CBLN3: variants seen among roughly 807,000 people sequenced by gnomAD.
CBLN3 encodes cerebellin 3 precursor.
In CBLN3, 14 loss-of-function variants were observed where a neutral mutation model predicts 17.4. The ratio of observed to expected loss-of-function variants is 0.81; its 90% CI spans 0.53 to 1.26. CBLN3 has a LOEUF of 1.26. CBLN3 is among the 50% of genes most tolerant of loss of function. CBLN3 has a pLI of 0.00. For missense variants in CBLN3, 263 were observed against 268.5 expected (o/e 0.98, Z 0.14); for synonymous variants, 129 against 117.4 (o/e 1.10, Z -0.64).
rs1401158291 is a variant in CBLN3, at chr14:24,428,364, G to A, written c.342C>T (p.Gly114=). The change falls in exon 2 of 3, where the codon GGC becomes GGT. Residue 114 remains glycine (G), a synonymous_variant. Transcript: ENST00000267406. ...CACCCCGGACAGGGGCTACGAAGGA[G>A]CCAGAGGCCCGGTCAAAGCCACCGC... The part of the protein sequence containing the change: ...NEGGGFDRAS[G]SFVAPVRGVY... 13 of 1,613,806 alleles carry A rather than the reference G, an allele frequency of 8.1e-6. No homozygotes were observed. Among genetic ancestry groups the A allele is most frequent in the African/African-American group, 1.3e-5 (1 of 74,888 alleles).
chr14:24,428,248 C>A, intron 2 of CBLN3, 38 bp downstream of exon 2: 1 of 1,609,042 alleles, frequency 6.2e-7, no homozygotes, highest in Middle Eastern at 1.7e-4. Flanking sequence ...CCCTCCCCAC[C>A]CTCCTGAGCC....
At position 24,427,727 on chromosome 14, in the gene CBLN3, G is replaced by T; in HGVS notation, c.*62C>A. ...CTCTCCTGCCTCTGCTGTTTCTGGG[G>T]CAAGAGAGGGCAGAAGAAAGTTGTC... On this transcript the variant is annotated 3_prime_UTR_variant, in exon 3 of 3. Transcript: ENST00000267406. The surrounding 1 kb of genome is among the most constrained non-coding windows in gnomAD (Gnocchi z 4.4). The T allele has an allele frequency of 6.7e-7, 1 of 1,491,310 alleles. No individual in the cohort carries two copies. The highest frequency in any genetic ancestry group is 9.3e-7 in the Non-Finnish European group (1 of 1,072,630). 92.4% of individuals were successfully genotyped at this position (1,491,310 alleles called of 1,614,324 possible). A position where few individuals can be genotyped will look rare whatever the true frequency, so the allele number is the denominator to read the frequency against.
chr14:24,429,287 G>T lies in CBLN3; in HGVS notation c.-233C>A. 1 of 696,654 alleles carries T rather than the reference G, an allele frequency of 1.4e-6. No individual in the cohort carries two copies. The highest frequency in any genetic ancestry group is 2.6e-6 in the Non-Finnish European group (1 of 387,420). The allele number at this position is 696,654 out of a possible 1,614,324, so 43.2% of individuals were successfully genotyped here. A position where few individuals can be genotyped will look rare whatever the true frequency, so the allele number is the denominator to read the frequency against. On this transcript the variant is annotated 5_prime_UTR_variant, in exon 1 of 3. Transcript: ENST00000267406. ...ATGCAGTGACAGCAGTTGGGCTTTG[G>T]GAGAGAAAGGAGGGATGAAGCCGCC...
Position 24,427,925 on chromosome 14 carries a change from G to C in CBLN3, c.482C>G (p.Thr161Ser), listed in dbSNP as rs776665719. 3.3e-5 allele frequency: 54 copies of C among 1,613,822 alleles called. No individual in the cohort carries two copies. The highest frequency in any genetic ancestry group is 1.6e-4 in the Middle Eastern group (1 of 6,080). ...CACAGAGCTGGTGGCTGCCTCCCGG[G>C]TCACGTCAGGATCATTGGCAAAGGC... is the stretch of plus-strand genomic sequence containing the variant. ...ISAFANDPDVTREAATSSVLL... is the reference protein window; with the variant it reads ...ISAFANDPDVSREAATSSVLL... The change falls in exon 3 of 3, where the codon ACC becomes AGC. Residue 161 changes from threonine to serine, a missense_variant. Transcript: ENST00000267406. The surrounding 1 kb of genome is among the most constrained non-coding windows in gnomAD (Gnocchi z 4.4).
Position 24,427,803 on chromosome 14 carries a change from TGAG to T in CBLN3, c.601_603del (p.Leu201del). On this transcript the variant is annotated inframe_deletion, in exon 3 of 3. Transcript: ENST00000267406. This position sits in a 1 kb window ranked among gnomAD's most constrained non-coding sequence, Gnocchi z 4.4. ...GACTTGGGTCCTCAGAGAGGGAAGA[TGAG>T]GAAGCCAGAGAAACTTGAGTATTTC... 1 of 1,613,978 alleles carries T rather than the reference TGAG, an allele frequency of 6.2e-7. No homozygotes were observed. The highest frequency in any genetic ancestry group is 8.5e-7 in the Non-Finnish European group (1 of 1,179,978).
In CBLN3 at chr14:24,428,370, G is replaced by A. The variant is rs749263165; in HGVS notation, c.336C>T (p.Ala112=). 1.9e-5 allele frequency: 31 copies of A among 1,613,820 alleles called. No individual in the cohort carries two copies. In the South Asian group the frequency reaches 3.4e-4, roughly 18 times the overall value. Residue 112 remains alanine, a synonymous_variant, in exon 2 of 3, where the codon GCC becomes GCT. Coordinates refer to ENST00000267406, the MANE Select transcript of CBLN3 (RefSeq NM_001039771.3). The part of the protein sequence containing the change: ...LVNEGGGFDR[A]SGSFVAPVRG... ...GGACAGGGGCTACGAAGGAGCCAGAGGCCCGGTCAAAGCCACCGCCCTCGT... is the reference window on the plus strand; with the variant it reads ...GGACAGGGGCTACGAAGGAGCCAGAAGCCCGGTCAAAGCCACCGCCCTCGT...
Position 24,427,654 on chromosome 14 carries a change from G to T in CBLN3, c.*135C>A. ...ACTCTTCTCTTAAACTTGGGTGTTT[G>T]GCACAGGGTCCCATGCAAAGAGGTG... On this transcript the variant is annotated 3_prime_UTR_variant, in exon 3 of 3. Transcript: ENST00000267406. This position sits in a 1 kb window ranked among gnomAD's most constrained non-coding sequence, Gnocchi z 4.4. The T allele has an allele frequency of 1.2e-6, 1 of 820,744 alleles. No homozygotes were observed. The highest frequency in any genetic ancestry group is 2.0e-6 in the Non-Finnish European group (1 of 496,604). 50.8% of individuals were successfully genotyped at this position (820,744 alleles called of 1,614,324 possible). A position where few individuals can be genotyped will look rare whatever the true frequency, so the allele number is the denominator to read the frequency against.
chr14:24,429,185 A>C lies in CBLN3; in HGVS notation c.-131T>G, dbSNP rs2043059952. On this transcript the variant is annotated 5_prime_UTR_variant, in exon 1 of 3. An upstream start codon of the reference 5' UTR is lost. Transcript: ENST00000267406. The stretch of plus-strand genomic sequence containing the variant: ...TCTAGGCTCGCTGAACCCCCTCTCC[A>C]TACCTGTGTCCCAGCTCTGTCCTGC... The C allele has an allele frequency of 1.1e-6, 1 of 922,538 alleles. No homozygotes were observed. Among genetic ancestry groups the C allele is most frequent in the Non-Finnish European group, 1.6e-6 (1 of 619,762 alleles). 57.1% of individuals were successfully genotyped at this position (922,538 alleles called of 1,614,324 possible).
Position 24,427,849 on chromosome 14 carries a change from C to T in CBLN3, c.558G>A (p.Gly186=), listed in dbSNP as rs2043035141. 1 of 1,614,092 alleles carries T rather than the reference C, an allele frequency of 6.2e-7. No homozygotes were observed. Among genetic ancestry groups the T allele is most frequent in the East Asian group, 2.2e-5 (1 of 44,874 alleles). The part of the protein sequence containing the change: ...GDRVSLRLRR[G]NLLGGWKYSS... Reference sequence around the variant, plus strand: ...AGTATTTCCAACCACCCAGTAGATTCCCCCGACGCAGGCGCAGAGACACTC... The same window carrying T: ...AGTATTTCCAACCACCCAGTAGATTTCCCCGACGCAGGCGCAGAGACACTC... Residue 186 remains glycine, a synonymous_variant, in exon 3 of 3, where the codon GGG becomes GGA. Transcript: ENST00000267406. The surrounding 1 kb of genome is among the most constrained non-coding windows in gnomAD (Gnocchi z 4.4).
chr14:24,429,310 G>T lies in CBLN3; in HGVS notation c.-256C>A. On this transcript the variant is annotated 5_prime_UTR_variant, in exon 1 of 3. Coordinates refer to ENST00000267406, the MANE Select transcript of CBLN3 (RefSeq NM_001039771.3). ...TGGGAGAGAAAGGAGGGATGAAGCC[G>T]CCTGCCCACTGGACGGGAGGGCTGC... is the stretch of plus-strand genomic sequence containing the variant. 1.5e-6 allele frequency: 1 copy of T among 682,062 alleles called. No individual in the cohort carries two copies. The highest frequency in any genetic ancestry group is 2.7e-6 in the Non-Finnish European group (1 of 375,506). 42.3% of individuals were successfully genotyped at this position (682,062 alleles called of 1,614,324 possible).
chr14:24,426,970 G>A lies in CBLN3; in HGVS notation c.*819C>T, dbSNP rs2043026420. The A allele has an allele frequency of 6.6e-6, 1 of 152,342 alleles. No homozygotes were observed. Among genetic ancestry groups the A allele is most frequent in the Non-Finnish European group, 1.5e-5 (1 of 68,124 alleles). The allele number at this position is 152,342 out of a possible 1,614,324, so 9.4% of individuals were successfully genotyped here. ...AAACTTCAAAGGTGGAGCAGTTTCAGGAGGTGGCCAAGCAAGAGGATGCAT... is the reference window on the plus strand; with the variant it reads ...AAACTTCAAAGGTGGAGCAGTTTCAAGAGGTGGCCAAGCAAGAGGATGCAT... On this transcript the variant is annotated 3_prime_UTR_variant, in exon 3 of 3. Coordinates refer to ENST00000267406, the MANE Select transcript of CBLN3 (RefSeq NM_001039771.3).
At position 24,428,310 on chromosome 14, in the gene CBLN3, C is replaced by T; in HGVS notation, c.396G>A (p.Lys132=). 1 of 1,613,906 alleles carries T rather than the reference C, an allele frequency of 6.2e-7. No homozygotes were observed. The highest frequency in any genetic ancestry group is 8.5e-7 in the Non-Finnish European group (1 of 1,179,916). ...GVYSFRFHVV[K]VYNRQTVQVS... ...CCTGGACAGTTTGGCGGTTGTACAC[C>T]TTCACCACATGGAACCGGAAGCTGT... is the stretch of plus-strand genomic sequence containing the variant. The change falls in exon 2 of 3, where the codon AAG becomes AAA. Residue 132 remains lysine, a synonymous_variant. Coordinates refer to ENST00000267406, the MANE Select transcript of CBLN3 (RefSeq NM_001039771.3).
In CBLN3 at chr14:24,427,951, T is replaced by C. The variant is rs144101051; in HGVS notation, c.456A>G (p.Ser152=). Residue 152 remains serine, a synonymous_variant, in exon 3 of 3, where the codon TCA becomes TCG. Transcript: ENST00000267406. This position sits in a 1 kb window ranked among gnomAD's most constrained non-coding sequence, Gnocchi z 4.4. The part of the protein sequence containing the change: ...SLMLNTWPVI[S]AFANDPDVTR... ...TCACGTCAGGATCATTGGCAAAGGC[T>C]GAGATGACAGGCCACGTGTTCAGCA... The C allele has an allele frequency of 6.2e-7, 1 of 1,613,752 alleles. No individual in the cohort carries two copies. The highest frequency in any genetic ancestry group is 8.5e-7 in the Non-Finnish European group (1 of 1,179,854).
chr14:24,429,202 C>A lies in CBLN3; in HGVS notation c.-148G>T. 1.3e-6 allele frequency: 1 copy of A among 792,166 alleles called. No homozygotes were observed. The allele number at this position is 792,166 out of a possible 1,614,324, so 49.1% of individuals were successfully genotyped here. A position where few individuals can be genotyped will look rare whatever the true frequency, so the allele number is the denominator to read the frequency against. On this transcript the variant is annotated 5_prime_UTR_variant, in exon 1 of 3. An upstream open reading frame in the 5' UTR gains an earlier in-frame stop. Coordinates refer to ENST00000267406, the MANE Select transcript of CBLN3 (RefSeq NM_001039771.3). ...CCCTCTCCATACCTGTGTCCCAGCTCTGTCCTGCCTCCCACTCTTACTCCT... is the reference window on the plus strand; with the variant it reads ...CCCTCTCCATACCTGTGTCCCAGCTATGTCCTGCCTCCCACTCTTACTCCT...
rs1054193419 is a variant in CBLN3 at position 24,427,401 on chromosome 14, T to A, written c.*388A>T. ...TGAGGCTTGTCCATCTGGGCTCCTG[T>A]GGGGGCCTGTCAGGCTCACCTGCGC... On this transcript the variant is annotated 3_prime_UTR_variant, in exon 3 of 3. Transcript: ENST00000267406. This position sits in a 1 kb window ranked among gnomAD's most constrained non-coding sequence, Gnocchi z 4.4. The A allele has an allele frequency of 4.1e-5, 9 of 220,148 alleles. No homozygotes were observed. Among genetic ancestry groups the A allele is most frequent in the Non-Finnish European group, 7.3e-5 (8 of 109,396 alleles). The allele number at this position is 220,148 out of a possible 1,614,324, so 13.6% of individuals were successfully genotyped here.
In CBLN3 at chr14:24,427,557, T is replaced by G. The variant is rs2043032137; in HGVS notation, c.*232A>C. On this transcript the variant is annotated 3_prime_UTR_variant, in exon 3 of 3. Coordinates refer to ENST00000267406, the MANE Select transcript of CBLN3 (RefSeq NM_001039771.3). This position sits in a 1 kb window ranked among gnomAD's most constrained non-coding sequence, Gnocchi z 4.4. ...TCCTAGGGCTGCAGGCAGGAACAGATGCAGCAGGTGGCTGGGAGGGTAACT... is the reference window on the plus strand; with the variant it reads ...TCCTAGGGCTGCAGGCAGGAACAGAGGCAGCAGGTGGCTGGGAGGGTAACT... 7 of 505,606 alleles carry G rather than the reference T, an allele frequency of 1.4e-5. No individual in the cohort carries two copies. The highest frequency in any genetic ancestry group is 8.5e-5 in the South Asian group (4 of 47,084). 31.3% of individuals were successfully genotyped at this position (505,606 alleles called of 1,614,324 possible). A position where few individuals can be genotyped will look rare whatever the true frequency, so the allele number is the denominator to read the frequency against.
Position 24,426,805 on chromosome 14 carries a change from C to A in CBLN3, c.*984G>T, listed in dbSNP as rs1275496017. ...TCATGGAATCCCAGGTAATAGGAAG[C>A]CTAAGGAGGAGAATAAGACAGCACA... On this transcript the variant is annotated 3_prime_UTR_variant, in exon 3 of 3. Transcript: ENST00000267406. 1 of 152,068 alleles carries A rather than the reference C, an allele frequency of 6.6e-6. No homozygotes were observed. Among genetic ancestry groups the A allele is most frequent in the Non-Finnish European group, 1.5e-5 (1 of 68,102 alleles). The allele number at this position is 152,068 out of a possible 1,614,324, so 9.4% of individuals were successfully genotyped here.
intron 1 of CBLN3, 69 bp from the exon 2 acceptor site, chr14:24,428,474 A>G (rs771239721): frequency 1.6e-5 from 25 of 1,561,124 alleles, no homozygotes; most frequent in Non-Finnish European, 2.2e-5. Context: ...CATGGGGACT[A>G]GGGGCAGGGG....
chr14:24,428,541 C>G, intron 1 of CBLN3, 136 bp from the exon 2 acceptor site: 2 of 1,162,970 alleles, frequency 1.7e-6, no homozygotes, highest in South Asian at 3.1e-5. Flanking sequence ...TGAACAGATT[C>G]AAAAGAAATG....
Sources: gnomAD v4.1 joint callset for allele counts on GRCh38, gnomAD v4.1.1 for gene constraint, Gnocchi (gnomAD v3.1) non-coding constraint, MANE v1.5 for transcripts, NCBI Gene and HGNC (gene_info 2026-07-23, HGNC 2026-07-21) for gene names.